HMGCS1: variants seen among roughly 807,000 people sequenced by gnomAD.
HMGCS1 encodes the protein hydroxymethylglutaryl-CoA synthase, cytoplasmic.
A neutral mutation model predicts 52.3 loss-of-function variants in HMGCS1; 9 were observed. The observed-to-expected ratio is 0.17, with a 90% CI of 0.10 to 0.30. The LOEUF is 0.30. Among genes scored for constraint, HMGCS1 ranks in the 10% least tolerant of loss-of-function variants. HMGCS1 has a pLI of 1.00. For synonymous variants in HMGCS1, 176 were observed against 214.4 expected, an observed-to-expected ratio of 0.82 and a Z score of 1.57; for missense variants, 320 against 620.9, an observed-to-expected ratio of 0.52 and a Z score of 5.15.
At chr5:43,297,632 G>A (rs1754095103) in intron 4 of HMGCS1, among the ~76,000 whole-genome samples, 1 of 152,074 alleles carries the variant, frequency 6.6e-6, no homozygotes, top group Non-Finnish European at 1.5e-5. Flanking sequence ...CCTGAGGTCA[G>A]GAATTCGATG....
rs752437169 is a variant in HMGCS1, at chr5:43,298,526, G to C, written c.440C>G (p.Ser147Cys). Residue 147 changes from serine to cysteine, a missense_variant, in exon 3 of 11, where the codon TCT becomes TGT. Around this residue, in one of 3 missense-constraint regions of HMGCS1, gnomAD observed 85 missense variants for 260.0 expected, o/e 0.33. Transcript: ENST00000325110. This position sits in a 1 kb window ranked among gnomAD's most constrained non-coding sequence, Gnocchi z 5.6. ...ATAGGCATGTAACATACCATCCCAA[G>C]AGCTGGACTCAATCCAGTTAACAGC... is the stretch of plus-strand genomic sequence containing the variant. ...FNAVNWIESS[S>C]WDGRYALVVA... is the part of the protein sequence containing the mutation. 2 of 1,611,058 alleles carry C rather than the reference G, an allele frequency of 1.2e-6. No homozygotes were observed. Among genetic ancestry groups the C allele is most frequent in the Non-Finnish European group, 1.7e-6 (2 of 1,177,530 alleles).
At chr5:43,299,355 T>G (rs1298757854) in intron 2 of HMGCS1, among the ~76,000 whole-genome samples, 1 of 152,008 alleles carries the variant, frequency 6.6e-6, no homozygotes. Flanking sequence ...CACCCGAAAG[T>G]TTTAATAAAT....
chr5:43,297,801 G>A (rs1417386142), intron 4 of HMGCS1, among the ~76,000 whole-genome samples: 4 of 148,194 alleles, frequency 2.7e-5, no homozygotes, highest in Non-Finnish European at 5.9e-5. Flanking sequence ...TCGTGCCATT[G>A]CACTCCAGCT....
intron 2 of HMGCS1, among the ~76,000 whole-genome samples, chr5:43,302,843 A>G (rs1035757423): frequency 6.6e-6 from 1 of 152,246 alleles, no homozygotes; most frequent in Admixed American, 6.5e-5. Flanking sequence ...AAGGAATGCT[A>G]CATCACCAAT....
chr5:43,308,822 A>G (rs1305131184), intron 1 of HMGCS1, among the ~76,000 whole-genome samples: 4 of 152,114 alleles, frequency 2.6e-5, no homozygotes, highest in Non-Finnish European at 5.9e-5. Flanking sequence ...TTTTTACATA[A>G]TTACATAATT....
intron 4 of HMGCS1, among the ~76,000 whole-genome samples, 189 bp downstream of exon 4, chr5:43,297,820 A>T (rs1376110443): frequency 6.6e-6 from 1 of 151,698 alleles, no homozygotes; most frequent in Admixed American, 6.6e-5. Flanking sequence ...CTTGGGCAAC[A>T]AGAGTGAAAC....
chr5:43,311,505 T>C (rs1045623622), intron 1 of HMGCS1, among the ~76,000 whole-genome samples: 1 of 152,192 alleles, frequency 6.6e-6, no homozygotes, highest in African/African-American at 2.4e-5. Context: ...TGAAACTAAT[T>C]GGAGATTCTG....
intron 8 of HMGCS1, among the ~76,000 whole-genome samples, chr5:43,293,463 C>G (rs1286895049): frequency 6.6e-6 from 1 of 151,918 alleles, no homozygotes; most frequent in Non-Finnish European, 1.5e-5. Context: ...CTTTCCTGCT[C>G]AGGGAAAGCA....
chr5:43,303,269 G>C (rs1754405689), intron 2 of HMGCS1, among the ~76,000 whole-genome samples: 1 of 152,246 alleles, frequency 6.6e-6, no homozygotes. Flanking sequence ...CAATGTGATG[G>C]CATTTGGAGA....
At chr5:43,291,802 A>C (rs545855765) in intron 10 of HMGCS1, among the ~76,000 whole-genome samples, 1 of 152,226 alleles carries the variant, frequency 6.6e-6, no homozygotes, top group South Asian at 2.1e-4. Context: ...AATCATAGCT[A>C]TGATTGTTAC....
chr5:43,302,811 G>A (rs779335073), intron 2 of HMGCS1, among the ~76,000 whole-genome samples: 1 of 152,154 alleles, frequency 6.6e-6, no homozygotes, highest in Admixed American at 6.5e-5. Context: ...CAAAACCTTC[G>A]CATTCTTTTT....
chr5:43,311,191 G>C (rs760721082), intron 1 of HMGCS1, among the ~76,000 whole-genome samples: 1 of 152,102 alleles, frequency 6.6e-6, no homozygotes, highest in Non-Finnish European at 1.5e-5. Flanking sequence ...GCTGGGTGTG[G>C]TGGCACATGC....
At chr5:43,305,210 T>C (rs1464808754) in intron 2 of HMGCS1, among the ~76,000 whole-genome samples, 1 of 152,116 alleles carries the variant, frequency 6.6e-6, no homozygotes, top group East Asian at 1.9e-4. Context: ...GGTCTCAAAC[T>C]CCTGACCTCA....
rs562228805 is a variant in HMGCS1 at position 43,298,434 on chromosome 5, T to C, written c.448+84A>G. 1.0e-6 allele frequency: 1 copy of C among 958,364 alleles called. No homozygotes were observed. 59.4% of individuals were successfully genotyped at this position (958,364 alleles called of 1,614,324 possible). A position where few individuals can be genotyped will look rare whatever the true frequency, so the allele number is the denominator to read the frequency against. On this transcript the variant is annotated intron_variant, in intron 3 of 10. Coordinates refer to ENST00000325110, the MANE Select transcript of HMGCS1 (RefSeq NM_001098272.3). This position sits in a 1 kb window ranked among gnomAD's most constrained non-coding sequence, Gnocchi z 5.6. ...AGGACAAATTACAAAAGTTTGCGTATTGCATTAATTAAAGTGTCATCTGGG... is the reference window on the plus strand; with the variant it reads ...AGGACAAATTACAAAAGTTTGCGTACTGCATTAATTAAAGTGTCATCTGGG...
At chr5:43,311,459 C>T (rs1274360789) in intron 1 of HMGCS1, among the ~76,000 whole-genome samples, 1 of 152,074 alleles carries the variant, frequency 6.6e-6, no homozygotes, top group Non-Finnish European at 1.5e-5. Flanking sequence ...CCACAGTAAC[C>T]CAGCATAAAA....
At chr5:43,303,205 G>C (rs1754402656) in intron 2 of HMGCS1, among the ~76,000 whole-genome samples, 2 of 152,196 alleles carry the variant, frequency 1.3e-5, no homozygotes, top group South Asian at 4.1e-4. Context: ...CCTGAATTAT[G>C]GATTGAAATG....
intron 2 of HMGCS1, among the ~76,000 whole-genome samples, chr5:43,306,131 A>G (rs9790987): frequency 0.45 from 68,626 of 152,046 alleles, 16,251 homozygotes; most frequent in Middle Eastern, 0.61. Context: ...ATTAAAGTGA[A>G]GGCTCACTCC....
rs1754122075 is a variant in HMGCS1, at chr5:43,298,036, G to A, written c.547C>T (p.Pro183Ser). 1 of 1,613,474 alleles carries A rather than the reference G, an allele frequency of 6.2e-7. No homozygotes were observed. Among genetic ancestry groups the A allele is most frequent in the South Asian group, 1.1e-5 (1 of 91,026 alleles). The change falls in exon 4 of 11, where the codon CCA becomes TCA. Residue 183 changes from proline to serine, a missense_variant. Pro to Ser is a moderately conservative substitution (Grantham distance 74). Transcript: ENST00000325110. The surrounding 1 kb of genome is among the most constrained non-coding windows in gnomAD (Gnocchi z 5.6). The part of the protein sequence containing the change: ...GVGAVALLIG[P>S]NAPLIFERGL... ...CGTTCAAAAATTAAAGGAGCATTTG[G>A]CCCAATTAGCAGAGCTACTGCTCCA...
chr5:43,310,438 TTC>T, intron 1 of HMGCS1, among the ~76,000 whole-genome samples: 1 of 152,346 alleles, frequency 6.6e-6, no homozygotes, highest in Admixed American at 6.5e-5. Flanking sequence ...CCATACAGGA[TTC>T]CTACACTTCT....
Sources: allele counts gnomAD v4.1 joint callset (sites outside exome capture counted in the v4.1 genomes callset), GRCh38; gene constraint gnomAD v4.1.1; regional missense constraint gnomAD v4.1.1; non-coding constraint Gnocchi (gnomAD v3.1); transcripts MANE v1.5; gene names NCBI Gene and HGNC (gene_info 2026-07-23, HGNC 2026-07-21).